SLC71A2: variants seen among roughly 807,000 people sequenced by gnomAD.
SLC71A2 encodes hippocampus abundant transcript-like 1.
chr9:94,413,166 A>G, the SLC71A2 span, among the ~76,000 whole-genome samples: 1 of 151,806 alleles, frequency 6.6e-6, no homozygotes, highest in African/African-American at 2.4e-5. Context: ...GAACTGACTT[A>G]GATTGGAAGA....
At chr9:94,396,771 A>G in the SLC71A2 span, among the ~76,000 whole-genome samples, 7 of 151,834 alleles carry the variant, frequency 4.6e-5, no homozygotes, top group African/African-American at 9.7e-5. Context: ...GCTCTAATAT[A>G]TTTTTTTTCT....
the SLC71A2 span, among the ~76,000 whole-genome samples, chr9:94,431,116 T>C: frequency 6.6e-6 from 1 of 152,106 alleles, no homozygotes; most frequent in East Asian, 1.9e-4. Context: ...ATCGAGACCA[T>C]CCTGGCTTAA....
At chr9:94,441,252 T>C in the SLC71A2 span, among the ~76,000 whole-genome samples, 1 of 152,304 alleles carries the variant, frequency 6.6e-6, no homozygotes, top group East Asian at 1.9e-4. Flanking sequence ...GGTTTAATTG[T>C]CTCACAGTTC....
chr9:94,455,640 A>C, the SLC71A2 span, among the ~76,000 whole-genome samples: 4 of 152,168 alleles, frequency 2.6e-5, no homozygotes, highest in African/African-American at 9.7e-5. Context: ...CTTTGTCATC[A>C]TGTGAGGTTT....
At chr9:94,444,878 C>G in the SLC71A2 span, 1 of 1,274,958 alleles carries the variant, frequency 7.8e-7, no homozygotes, top group Admixed American at 1.8e-5. Flanking sequence ...AGGTGTGCAC[C>G]TGCAGCAGGC....
chr9:94,405,433 C>T, the SLC71A2 span, among the ~76,000 whole-genome samples: 3 of 150,304 alleles, frequency 2.0e-5, no homozygotes, highest in South Asian at 4.2e-4. Context: ...AGGTGGACCA[C>T]GCTTGCAGTG....
chr9:94,410,756 A>T, the SLC71A2 span, among the ~76,000 whole-genome samples: 34 of 152,256 alleles, frequency 2.2e-4, 1 homozygote, highest in Admixed American at 2.1e-3. Flanking sequence ...AAATCAAATT[A>T]GCAAAAATTT....
At chr9:94,442,395 C>CCT in the SLC71A2 span, among the ~76,000 whole-genome samples, 945 of 151,930 alleles carry the variant, frequency 6.2e-3, 8 homozygotes, top group African/African-American at 0.021. Context: ...TTCTACCTTC[C>CCT]CTCTCTCTCT....
the SLC71A2 span, among the ~76,000 whole-genome samples, chr9:94,431,281 C>A: frequency 6.6e-6 from 1 of 151,346 alleles, no homozygotes; most frequent in Non-Finnish European, 1.5e-5. Context: ...CCACTGCACT[C>A]CAGCCTGGGC....
At chr9:94,449,696 A>G in the SLC71A2 span, among the ~76,000 whole-genome samples, 1 of 152,246 alleles carries the variant, frequency 6.6e-6, no homozygotes, top group Non-Finnish European at 1.5e-5. Flanking sequence ...TATAGTTACC[A>G]TATGACTCAG....
the SLC71A2 span, among the ~76,000 whole-genome samples, chr9:94,424,750 T>TTTA: frequency 1.0e-5 from 1 of 98,744 alleles, no homozygotes; most frequent in East Asian, 3.2e-4. Context: ...TTTTTTTTTT[T>TTTA]ATTCTTTGAT....
the SLC71A2 span, among the ~76,000 whole-genome samples, chr9:94,404,535 A>G: frequency 6.6e-6 from 1 of 152,088 alleles, no homozygotes; most frequent in Non-Finnish European, 1.5e-5. Context: ...ATCTCAAGTG[A>G]TCTGTCTGCC....
At chr9:94,430,856 G>A in the SLC71A2 span, among the ~76,000 whole-genome samples, 23,037 of 152,136 alleles carry the variant, frequency 0.15, 2,412 homozygotes, top group Non-Finnish European at 0.22. Flanking sequence ...AGCTGCACTT[G>A]TTTTTTCTAA....
At chr9:94,384,922 T>C in the SLC71A2 span, among the ~76,000 whole-genome samples, 4 of 151,916 alleles carry the variant, frequency 2.6e-5, no homozygotes, top group East Asian at 1.9e-4. Context: ...TGGTAGTAGG[T>C]TCCTTATAAA....
At chr9:94,459,543 A>T in the SLC71A2 span, 1 of 798,082 alleles carries the variant, frequency 1.3e-6, no homozygotes, top group Non-Finnish European at 1.9e-6. Context: ...GATAAATACC[A>T]CCGCCATCAT....
the SLC71A2 span, among the ~76,000 whole-genome samples, chr9:94,452,660 T>C: frequency 1.8e-5 from 1 of 55,642 alleles, no homozygotes; most frequent in Non-Finnish European, 3.5e-5. Context: ...TATATATTCA[T>C]ATATATTCAT....
At chr9:94,417,871 C>A in the SLC71A2 span, among the ~76,000 whole-genome samples, 49 of 75,944 alleles carry the variant, frequency 6.5e-4, 2 homozygotes, top group African/African-American at 1.6e-3. Flanking sequence ...CCCCCCCCCC[C>A]CCCCCGACAG....
chr9:94,415,691 C>T, the SLC71A2 span, among the ~76,000 whole-genome samples: 5 of 151,966 alleles, frequency 3.3e-5, no homozygotes, highest in East Asian at 1.9e-4. Context: ...TCATAATGAG[C>T]GCAACTTAGA....
the SLC71A2 span, chr9:94,451,440 CAT>C: frequency 1.4e-6 from 2 of 1,381,382 alleles, no homozygotes; most frequent in Non-Finnish European, 2.0e-6. Flanking sequence ...AAAGTGTTTT[CAT>C]TTCATTTCCA....
Sources: gnomAD v4.1 joint callset for allele counts (sites outside exome capture counted in the v4.1 genomes callset) on GRCh38, gnomAD v4.1.1 for gene constraint, MANE v1.5 for transcripts, NCBI Gene and HGNC (gene_info 2026-07-23, HGNC 2026-07-21) for gene names.